Variants in XPA observed in about 807,000 individuals in gnomAD.
The protein encoded by XPA is DNA repair protein complementing XP-A cells.
In XPA, 27 loss-of-function variants were observed where a neutral mutation model predicts 35.7. The ratio of observed to expected loss-of-function variants is 0.76; its 90% confidence interval spans 0.56 to 1.04. The LOEUF (loss-of-function observed/expected upper bound fraction) is 1.04, where lower values mean the gene tolerates loss of function less well. Ranked by LOEUF, XPA falls within the 50% of genes least tolerant of loss-of-function variation. The pLI, the probability that XPA is intolerant of heterozygous loss-of-function variation, is 0.00. For synonymous variants in XPA, 133 were observed against 118.4 expected, an observed-to-expected ratio of 1.12 and a Z score of -0.80; for missense variants, 354 against 342.7, an observed-to-expected ratio of 1.03 and a Z score of -0.26.
the XPA span, chr9:97,669,588 T>C: frequency 1.3e-6 from 2 of 1,590,250 alleles, no homozygotes; most frequent in Admixed American, 1.7e-5. Flanking sequence ...CTTCTCCCTT[T>C]CCAGCGGTTT....
chr9:97,670,964 CT>C (rs888658855), downstream of XPA: 36 of 565,064 alleles, frequency 6.4e-5, no homozygotes, highest in Middle Eastern at 2.7e-4. Context: ...CCTATCAGCA[CT>C]TTTTTTTCCC....
At position 97,689,650 on chromosome 9, in the gene XPA, GA is replaced by G; in HGVS notation, c.284-12del. 6.6e-7 allele frequency: 1 copy of G among 1,520,460 alleles called. No homozygotes were observed. The highest frequency in any genetic ancestry group is 9.1e-7 in the Non-Finnish European group (1 of 1,096,756). 94.2% of individuals were successfully genotyped at this position (1,520,460 alleles called of 1,614,324 possible). ...ATTCCATAACAGGTCCTAAGAAAAG[GA>G]AAATGAACTCTAGTTTCCTTTTTTA... is the stretch of plus-strand genomic sequence containing the variant. On this transcript the variant is annotated splice_polypyrimidine_tract_variant and intron_variant, in intron 2 of 5. Transcript: ENST00000375128.
downstream of XPA, among the ~76,000 whole-genome samples, chr9:97,674,527 ATTTGTT>A (rs1828291233): frequency 6.6e-6 from 1 of 152,254 alleles, no homozygotes; most frequent in African/African-American, 2.4e-5. Flanking sequence ...ACTAACTGGA[ATTTGTT>A]TTTGTCAAAA....
intron 5 of XPA, among the ~76,000 whole-genome samples, chr9:97,677,861 G>A (rs1460642237): frequency 6.6e-6 from 1 of 152,042 alleles, no homozygotes; most frequent in Non-Finnish European, 1.5e-5. Flanking sequence ...TCCAGAAGAG[G>A]AGGCAGCAAC....
chr9:97,673,721 C>T (rs1298310155), downstream of XPA: 1 of 152,168 alleles, frequency 6.6e-6, no homozygotes, highest in Non-Finnish European at 1.5e-5. Context: ...TGTGCTGGTG[C>T]AATTTAACAT....
At chr9:97,662,676 C>T in the XPA span, among the ~76,000 whole-genome samples, 1 of 152,176 alleles carries the variant, frequency 6.6e-6, no homozygotes, top group African/African-American at 2.4e-5. Context: ...TTGAATATTT[C>T]ACCATGTTTG....
At chr9:97,696,365 T>C (rs759421003) in intron 1 of XPA, among the ~76,000 whole-genome samples, 22 of 152,224 alleles carry the variant, frequency 1.4e-4, no homozygotes, top group African/African-American at 5.1e-4. Flanking sequence ...GCAAATTCTA[T>C]AAGAGAATAA....
chr9:97,670,442 T>C (rs1282572713), downstream of XPA, among the ~76,000 whole-genome samples: 3 of 152,182 alleles, frequency 2.0e-5, no homozygotes, highest in Admixed American at 6.5e-5. Flanking sequence ...TAAAGGTATA[T>C]AGGAGAGTGG....
At chr9:97,682,925 G>C (rs559776905) in intron 5 of XPA, among the ~76,000 whole-genome samples, 1 of 152,016 alleles carries the variant, frequency 6.6e-6, no homozygotes, top group African/African-American at 2.4e-5. Flanking sequence ...TGATGAAATG[G>C]ATGCCATCAT....
At chr9:97,669,947 G>A (rs1458312625), downstream of XPA, 11 of 521,556 alleles carry the variant, frequency 2.1e-5, no homozygotes, top group South Asian at 2.1e-4. Flanking sequence ...TTTTGAGATG[G>A]CATCTCACTC....
At chr9:97,662,978 A>C in the XPA span, 6 of 1,613,320 alleles carry the variant, frequency 3.7e-6, no homozygotes, top group African/African-American at 8.0e-5. Context: ...TCAAAACCCT[A>C]GCTGAAAGTG....
At chr9:97,669,364 A>G in the XPA span, among the ~76,000 whole-genome samples, 1 of 152,204 alleles carries the variant, frequency 6.6e-6, no homozygotes, top group Non-Finnish European at 1.5e-5. Flanking sequence ...TACTAGGATA[A>G]GTAATTTAAG....
At chr9:97,688,750 C>T (rs1828794464) in intron 3 of XPA, among the ~76,000 whole-genome samples, 1 of 152,154 alleles carries the variant, frequency 6.6e-6, no homozygotes. Flanking sequence ...TCTCTATCTA[C>T]CAAGGATTCT....
chr9:97,693,450 T>C (rs1198107612), intron 2 of XPA, among the ~76,000 whole-genome samples, 199 bp downstream of exon 2: 1 of 152,202 alleles, frequency 6.6e-6, no homozygotes, highest in East Asian at 1.9e-4. Context: ...AGTTAAATAA[T>C]CATTTCCATA....
chr9:97,690,679 C>G (rs1393055407), intron 2 of XPA, among the ~76,000 whole-genome samples: 1 of 152,222 alleles, frequency 6.6e-6, no homozygotes, highest in Non-Finnish European at 1.5e-5. Flanking sequence ...AGCCACTGTA[C>G]CCAGCCCTAA....
chr9:97,660,316 G>A, the XPA span, among the ~76,000 whole-genome samples: 1 of 152,046 alleles, frequency 6.6e-6, no homozygotes, highest in Admixed American at 6.5e-5. Flanking sequence ...TGTTGCTCTG[G>A]TGATGCCTTA....
chr9:97,672,704 T>A (rs994858005), downstream of XPA: 1 of 175,222 alleles, frequency 5.7e-6, no homozygotes. Flanking sequence ...GACCAGCCCC[T>A]TGTCTTCCTC....
the XPA span, among the ~76,000 whole-genome samples, chr9:97,654,725 C>G: frequency 6.6e-6 from 1 of 152,084 alleles, no homozygotes; most frequent in East Asian, 1.9e-4. Flanking sequence ...TATTTCAAAG[C>G]TGTAAGAAAA....
At chr9:97,673,523 TGTG>T (rs1456937108), downstream of XPA, 3 of 152,214 alleles carry the variant, frequency 2.0e-5, no homozygotes, top group African/African-American at 7.2e-5. Context: ...TGTTCGCTGA[TGTG>T]GTCCTGCTCT....
Sources: allele counts gnomAD v4.1 joint callset (sites outside exome capture counted in the v4.1 genomes callset), GRCh38; gene constraint gnomAD v4.1.1; transcripts MANE v1.5; gene names NCBI Gene and HGNC (gene_info 2026-07-23, HGNC 2026-07-21).